RNF125: variants seen among roughly 807,000 people sequenced by gnomAD.
RNF125 encodes E3 ubiquitin-protein ligase RNF125.
RNF125 carries 21 observed loss-of-function variants against 26.0 expected under a neutral mutation model. The observed-to-expected ratio is 0.81, with a 90% CI of 0.57 to 1.16. RNF125 has a LOEUF of 1.16. Among genes scored for constraint, RNF125 ranks in the 50% most tolerant of loss-of-function variants. The pLI is 0.00. For synonymous variants in RNF125, 95 were observed against 109.2 expected, an observed-to-expected ratio of 0.87 and a Z score of 0.81; for missense variants, 270 against 299.4, an observed-to-expected ratio of 0.90 and a Z score of 0.72.
chr18:32,085,411 GAGAGAA>G, the RNF125 span, among the ~76,000 whole-genome samples: 2 of 137,234 alleles, frequency 1.5e-5, no homozygotes, highest in East Asian at 2.3e-4. Flanking sequence ...GAGAGAGAGA[GAGAGAA>G]AGCTGGGTGA....
Position 32,072,863 on chromosome 18 carries a change from A to G in RNF125, c.*4479A>G, listed in dbSNP as rs2039544618. Reference sequence around the variant, plus strand: ...TTGATTGTGAATCTACACTAAAGATATGGTTCCAGGCAGACCTCCTTAGAG... The same window carrying G: ...TTGATTGTGAATCTACACTAAAGATGTGGTTCCAGGCAGACCTCCTTAGAG... On this transcript the variant is annotated 3_prime_UTR_variant, in exon 6 of 6. Coordinates refer to ENST00000217740, the MANE Select transcript of RNF125 (RefSeq NM_017831.4). The G allele has an allele frequency of 6.6e-6, 1 of 152,190 alleles. No individual in the cohort carries two copies. Among genetic ancestry groups the G allele is most frequent in the African/African-American group, 2.4e-5 (1 of 41,448 alleles). The allele number at this position is 152,190 out of a possible 1,614,324, so 9.4% of individuals were successfully genotyped here. A position where few individuals can be genotyped will look rare whatever the true frequency, so the allele number is the denominator to read the frequency against.
intron 1 of RNF125, among the ~76,000 whole-genome samples, chr18:32,021,614 G>A (rs1332113376): frequency 6.6e-6 from 1 of 152,124 alleles, no homozygotes; most frequent in Non-Finnish European, 1.5e-5. Context: ...GTCATTATTA[G>A]CATTAAAACT....
At chr18:32,040,625 A>G (rs1188264102) in intron 2 of RNF125, among the ~76,000 whole-genome samples, 3 of 152,100 alleles carry the variant, frequency 2.0e-5, no homozygotes, top group Admixed American at 2.0e-4. Context: ...CTTCTGTTAG[A>G]TTGTAAGCAC....
chr18:32,057,416 C>T (rs926960082), intron 4 of RNF125, among the ~76,000 whole-genome samples: 21 of 151,188 alleles, frequency 1.4e-4, no homozygotes, highest in African/African-American at 5.1e-4. Flanking sequence ...CTCACTGCAA[C>T]CTCTGCCTCC....
chr18:32,034,348 G>A (rs956071444), intron 1 of RNF125, among the ~76,000 whole-genome samples: 11 of 151,900 alleles, frequency 7.2e-5, no homozygotes, highest in African/African-American at 2.7e-4. Flanking sequence ...TGAGCAGGGC[G>A]GCAGCTGCAG....
Position 32,045,718 on chromosome 18 carries a change from G to C in RNF125, c.490G>C (p.Glu164Gln). Residue 164 changes from glutamate to glutamine, a missense_variant, in exon 4 of 6, where the codon GAA (glutamate) becomes CAA (glutamine). Glu to Gln is a conservative substitution (Grantham distance 29). Coordinates refer to ENST00000217740, the MANE Select transcript of RNF125 (RefSeq NM_017831.4). ...LDHCITHHRS[E>Q]RRPVFCPLCR... is the part of the protein sequence containing the mutation. ...TCATTGTATTACTCATCACAGATCG[G>C]AACGGAGGCCTGTGGTAAGGATTTT... 1 of 1,611,980 alleles carries C rather than the reference G, an allele frequency of 6.2e-7. No individual in the cohort carries two copies. Among genetic ancestry groups the C allele is most frequent in the Non-Finnish European group, 8.5e-7 (1 of 1,178,960 alleles).
chr18:32,064,861 C>T (rs1395711176), intron 4 of RNF125, among the ~76,000 whole-genome samples: 3 of 152,130 alleles, frequency 2.0e-5, no homozygotes, highest in African/African-American at 7.2e-5. Context: ...ATTGCCATTT[C>T]TGGTCATTTC....
rs2039526743 is a variant in RNF125 at position 32,070,738 on chromosome 18, C to T, written c.*2354C>T. 1 of 148,214 alleles carries T rather than the reference C, an allele frequency of 6.7e-6. No individual in the cohort carries two copies. The highest frequency in any genetic ancestry group is 2.1e-4 in the South Asian group (1 of 4,688). The allele number at this position is 148,214 out of a possible 1,614,324, so 9.2% of individuals were successfully genotyped here. ...TTTTTTTGAGATGGAGTCTCGCGCT[C>T]TTGTTGCCCAGGCTGGAGTGCAATG... On this transcript the variant is annotated 3_prime_UTR_variant, in exon 6 of 6. Transcript: ENST00000217740.
chr18:32,026,738 A>C (rs1394329296), intron 1 of RNF125, among the ~76,000 whole-genome samples: 1 of 152,090 alleles, frequency 6.6e-6, no homozygotes, highest in Admixed American at 6.6e-5. Context: ...TTACTATCAC[A>C]CTCTAAATAT....
At chr18:32,034,984 C>T (rs147607015) in intron 1 of RNF125, among the ~76,000 whole-genome samples, 217 of 151,518 alleles carry the variant, frequency 1.4e-3, no homozygotes, top group Middle Eastern at 6.9e-3. Context: ...TGGAGTTCTA[C>T]GTAAAGGGAG....
chr18:32,075,562 G>C (rs2039564401), downstream of RNF125, among the ~76,000 whole-genome samples: 1 of 151,992 alleles, frequency 6.6e-6, no homozygotes, highest in African/African-American at 2.4e-5. Flanking sequence ...GCTTGGTGGT[G>C]CATGCCTGTA....
chr18:32,023,909 T>A (rs1220346290), intron 1 of RNF125, among the ~76,000 whole-genome samples: 1 of 152,154 alleles, frequency 6.6e-6, no homozygotes, highest in Non-Finnish European at 1.5e-5. Context: ...AAAAGTCTTG[T>A]TCAAAAGAGA....
rs757428820 is a variant in RNF125 at position 32,045,628 on chromosome 18, T to G, written c.414-14T>G. 6.4e-7 allele frequency: 1 copy of G among 1,555,278 alleles called. No individual in the cohort carries two copies. ...AACCATTTTAATATTATTTGTATTC[T>G]GTGCTATTTCCAGGTGTGTATGTCC... On this transcript the variant is annotated splice_polypyrimidine_tract_variant and intron_variant, in intron 3 of 5. Transcript: ENST00000217740.
the RNF125 span, among the ~76,000 whole-genome samples, chr18:32,081,293 G>A: frequency 6.6e-6 from 1 of 151,760 alleles, no homozygotes; most frequent in Admixed American, 6.6e-5. Context: ...CAAATACCAT[G>A]GTGTATATAT....
At chr18:32,040,269 CTTTTTTTT>C (rs1185186501) in intron 2 of RNF125, among the ~76,000 whole-genome samples, 1 of 104,490 alleles carries the variant, frequency 9.6e-6, no homozygotes, top group African/African-American at 3.8e-5. Context: ...CAATTTCTTT[CTTTTTTTT>C]TTTTTTTTTT....
At position 32,072,029 on chromosome 18, in the gene RNF125, A is replaced by G. The variant is rs1242886122; in HGVS notation, c.*3645A>G. On this transcript the variant is annotated 3_prime_UTR_variant, in exon 6 of 6. Transcript: ENST00000217740. Reference sequence around the variant, plus strand: ...TGAGACTCTTTCTATTTAAACAAAAACAAAAACAAACAAACAAACAAACAA... The same window carrying G: ...TGAGACTCTTTCTATTTAAACAAAAGCAAAAACAAACAAACAAACAAACAA... 1 of 152,132 alleles carries G rather than the reference A, an allele frequency of 6.6e-6. No individual in the cohort carries two copies. The highest frequency in any genetic ancestry group is 1.5e-5 in the Non-Finnish European group (1 of 68,072). 9.4% of individuals were successfully genotyped at this position (152,132 alleles called of 1,614,324 possible).
downstream of RNF125, among the ~76,000 whole-genome samples, chr18:32,077,522 C>T (rs1055689013): frequency 2.6e-5 from 4 of 150,958 alleles, no homozygotes; most frequent in African/African-American, 9.7e-5. Context: ...TCACTACGCT[C>T]AGCTAATTTT....
chr18:32,087,207 C>G, the RNF125 span, among the ~76,000 whole-genome samples: 1 of 151,844 alleles, frequency 6.6e-6, no homozygotes, highest in Non-Finnish European at 1.5e-5. Flanking sequence ...CTGTGTGCTG[C>G]TTCAGCTTCA....
chr18:32,055,220 G>A (rs751614696), intron 4 of RNF125, among the ~76,000 whole-genome samples: 2 of 150,652 alleles, frequency 1.3e-5, no homozygotes, highest in East Asian at 3.9e-4. Flanking sequence ...GATCCCTTAA[G>A]CCCAGGAGTT....
Sources: gnomAD v4.1 joint callset for allele counts (sites outside exome capture counted in the v4.1 genomes callset) on GRCh38, gnomAD v4.1.1 for gene constraint, MANE v1.5 for transcripts, NCBI Gene and HGNC (gene_info 2026-07-23, HGNC 2026-07-21) for gene names.